Variants in ELFN2 observed in about 807,000 individuals in gnomAD.
ELFN2 encodes the protein protein phosphatase 1 regulatory subunit 29.
Under a neutral mutation model 45.5 loss-of-function variants are expected in ELFN2, and 17 were observed. That is an observed-to-expected ratio of 0.37 (90% CI 0.26 to 0.56). The LOEUF (loss-of-function observed/expected upper bound fraction) is 0.56, where lower values mean the gene tolerates loss of function less well. Among genes scored for constraint, ELFN2 ranks in the 20% least tolerant of loss-of-function variants. The pLI is 0.77. For synonymous variants in ELFN2, 550 were observed against 551.5 expected, an observed-to-expected ratio of 1.00 and a Z score of 0.04; for missense variants, 922 against 1,183.2, an observed-to-expected ratio of 0.78 and a Z score of 3.24.
chr22:37,384,337 C>T (rs118089675), intron 2 of ELFN2, among the ~76,000 whole-genome samples: 6 of 151,586 alleles, frequency 4.0e-5, no homozygotes, highest in Non-Finnish European at 8.8e-5. Context: ...GATTGTCCCA[C>T]AGCCAAGGAT....
rs1931243528 is a variant in ELFN2, at chr22:37,367,969, A to G, written c.*5103T>C. ...ATAGACCATGGCCCCGTAGCTTTAA[A>G]TAAGAAATTTATTGCAAATATAGAA... On this transcript the variant is annotated 3_prime_UTR_variant, in exon 3 of 3. Transcript: ENST00000402918. 6.6e-6 allele frequency: 1 copy of G among 152,608 alleles called. No homozygotes were observed. The highest frequency in any genetic ancestry group is 1.5e-5 in the Non-Finnish European group (1 of 68,054). 9.5% of individuals were successfully genotyped at this position (152,608 alleles called of 1,614,324 possible). A position where few individuals can be genotyped will look rare whatever the true frequency, so the allele number is the denominator to read the frequency against.
chr22:37,386,850 C>G lies in ELFN2; in HGVS notation c.-462-10854G>C, dbSNP rs771740439. ...CAAAGCGCAGGGTCCACATTCAGCTCGAATCCAGGCTATGCCACCTCACCC... is the reference window on the plus strand; with the variant it reads ...CAAAGCGCAGGGTCCACATTCAGCTGGAATCCAGGCTATGCCACCTCACCC... On this transcript the variant is annotated intron_variant, in intron 2 of 2. Transcript: ENST00000402918. Among the ~76,000 whole-genome samples the G allele has an allele frequency of 3.7e-4, 57 of 152,166 alleles. 1 individual carries two copies. The highest frequency in any genetic ancestry group is 7.1e-4 in the Non-Finnish European group (48 of 68,028).
chr22:37,345,994 G>T (rs1380977211), intron 1 of ELFN2, among the ~76,000 whole-genome samples: 1 of 152,012 alleles, frequency 6.6e-6, no homozygotes, highest in Non-Finnish European at 1.5e-5. Flanking sequence ...ATCCACCCTC[G>T]CCTGGAATCC....
chr22:37,350,885 C>T (rs912222049), intron 1 of ELFN2, among the ~76,000 whole-genome samples: 6 of 150,520 alleles, frequency 4.0e-5, no homozygotes, highest in African/African-American at 1.5e-4. Context: ...CTCAGGACTC[C>T]TCCACCCTTA....
intron 2 of ELFN2, among the ~76,000 whole-genome samples, chr22:37,416,049 G>T (rs1053692153): frequency 1.3e-5 from 2 of 152,192 alleles, no homozygotes; most frequent in African/African-American, 4.8e-5. Flanking sequence ...ACATCCATGA[G>T]CCCAAATAAC....
At chr22:37,414,375 G>A (rs1434075372) in intron 2 of ELFN2, among the ~76,000 whole-genome samples, 1 of 152,196 alleles carries the variant, frequency 6.6e-6, no homozygotes, top group Admixed American at 6.5e-5. Context: ...ACTGAGCCAG[G>A]AGAGCAGCAG....
intron 1 of ELFN2, among the ~76,000 whole-genome samples, chr22:37,423,063 C>G (rs934952478): frequency 2.0e-5 from 3 of 151,760 alleles, no homozygotes; most frequent in Non-Finnish European, 4.4e-5. Context: ...GTCCAGGGGG[C>G]CACAGCTGAG....
At chr22:37,379,401 G>T (rs1433423388) in intron 2 of ELFN2, among the ~76,000 whole-genome samples, 8 of 152,198 alleles carry the variant, frequency 5.3e-5, no homozygotes, top group Admixed American at 5.2e-4. Flanking sequence ...CCCAGGAGGG[G>T]TGCAGCCATG....
chr22:37,348,928 C>A (rs1930757881), intron 1 of ELFN2, among the ~76,000 whole-genome samples: 1 of 150,664 alleles, frequency 6.6e-6, no homozygotes, highest in Non-Finnish European at 1.5e-5. Context: ...AGCCCTGGGG[C>A]CTGGGGAGGT....
Position 37,417,492 on chromosome 22 carries a change from C to G in ELFN2, c.-463+277G>C, listed in dbSNP as rs1044572189. 2.0e-5 allele frequency among the ~76,000 whole-genome samples: 3 copies of G among 152,210 alleles called. No homozygotes were observed. The highest frequency in any genetic ancestry group is 4.8e-5 in the African/African-American group (2 of 41,458). Reference sequence around the variant, plus strand: ...TCTCTGCCGGGTGATGGGGCAGGAGCTGGGGTCCTTGAGCCAACAGGGGCT... The same window carrying G: ...TCTCTGCCGGGTGATGGGGCAGGAGGTGGGGTCCTTGAGCCAACAGGGGCT... On this transcript the variant is annotated intron_variant, in intron 2 of 2. Coordinates refer to ENST00000402918, the MANE Select transcript of ELFN2 (RefSeq NM_052906.5). The surrounding 1 kb of genome is among the most constrained non-coding windows in gnomAD (Gnocchi z 4.5).
chr22:37,394,254 C>A (rs4821663), intron 2 of ELFN2, among the ~76,000 whole-genome samples: 38,970 of 152,062 alleles, frequency 0.26, 5,259 homozygotes, highest in South Asian at 0.38. Context: ...GCCGCCCCTC[C>A]GTCCAAGCTT....
intron 2 of ELFN2, among the ~76,000 whole-genome samples, chr22:37,394,591 C>T (rs568454066): frequency 3.2e-4 from 49 of 152,348 alleles, no homozygotes; most frequent in African/African-American, 1.1e-3. Context: ...AGTCCTCCCC[C>T]GCAGCTCCCG....
At chr22:37,407,225 C>T (rs2145677938) in intron 2 of ELFN2, among the ~76,000 whole-genome samples, 1 of 152,320 alleles carries the variant, frequency 6.6e-6, no homozygotes, top group South Asian at 2.1e-4. Context: ...ATTACCTGCT[C>T]AGGCTCTGGG....
At chr22:37,394,957 G>T (rs1010160630) in intron 2 of ELFN2, among the ~76,000 whole-genome samples, 34 of 152,026 alleles carry the variant, frequency 2.2e-4, no homozygotes, top group African/African-American at 8.2e-4. Flanking sequence ...ACAAAAATTA[G>T]CTGGGAAAGG....
Position 37,349,578 on chromosome 22 carries a change from C to T in ELFN2, n.149-6875G>A, listed in dbSNP as rs1430467303. 1.3e-5 allele frequency among the ~76,000 whole-genome samples: 2 copies of T among 151,042 alleles called. 1 individual carries two copies. The highest frequency in any genetic ancestry group is 3.0e-5 in the Non-Finnish European group (2 of 67,288). ...ACCCCCTTTGCAGCCCCTCCTACCC[C>T]AGGGACATCAGATCTGCCAGCCCCT... On this transcript the variant is annotated intron_variant and non_coding_transcript_variant, in intron 1 of 2. Transcript: ENST00000452946.
Position 37,373,094 on chromosome 22 carries a change from A to AC in ELFN2, c.2440dup (p.Val814GlyfsTer66). 6.3e-7 allele frequency: 1 copy of AC among 1,599,976 alleles called. No individual in the cohort carries two copies. The highest frequency in any genetic ancestry group is 8.5e-7 in the Non-Finnish European group (1 of 1,169,784). On this transcript the variant is annotated frameshift_variant, in exon 3 of 3. Transcript: ENST00000402918. LOFTEE classifies it high-confidence loss of function. ...GGGTCACAGCTTCTGCTGGGCGGAG[A>AC]CCCCCTTCCAGTAATCAAGGATGTC...
chr22:37,381,908 A>G (rs1931784961), intron 2 of ELFN2, among the ~76,000 whole-genome samples: 1 of 122,908 alleles, frequency 8.1e-6, no homozygotes, highest in Non-Finnish European at 1.6e-5. Flanking sequence ...GTGAGCCGAG[A>G]TCGCGCCTCT....
At chr22:37,382,247 C>G (rs1217256789) in intron 2 of ELFN2, among the ~76,000 whole-genome samples, 1 of 152,160 alleles carries the variant, frequency 6.6e-6, no homozygotes, top group Non-Finnish European at 1.5e-5. Flanking sequence ...CACCTGCAGA[C>G]CTCCAGTAAC....
chr22:37,351,791 G>A (rs1274988882), intron 1 of ELFN2, among the ~76,000 whole-genome samples: 1 of 150,958 alleles, frequency 6.6e-6, no homozygotes, highest in Non-Finnish European at 1.5e-5. Context: ...GGCTGCCGCG[G>A]GGTCACTCCT....
Sources: gnomAD v4.1 joint callset for allele counts (sites outside exome capture counted in the v4.1 genomes callset) on GRCh38, gnomAD v4.1.1 for gene constraint, Gnocchi (gnomAD v3.1) non-coding constraint, MANE v1.5 for transcripts, NCBI Gene and HGNC (gene_info 2026-07-23, HGNC 2026-07-21) for gene names.